The following TNNI3K variants were observed in gnomAD, a reference collection of about 807,000 sequenced individuals.
TNNI3K encodes serine/threonine-protein kinase TNNI3K.
Under a neutral mutation model 114.5 loss-of-function variants are expected in TNNI3K, and 140 were observed. The observed-to-expected ratio is 1.22, with a 90% confidence interval of 1.07 to 1.41. The LOEUF (loss-of-function observed/expected upper bound fraction) is 1.41. Among genes scored for constraint, TNNI3K ranks in the 40% most tolerant of loss-of-function variants. The probability of loss-of-function intolerance (pLI) is 0.00; values close to 1 mark genes in which losing one functional copy is unlikely to be tolerated. For synonymous variants in TNNI3K, 347 were observed against 347.5 expected (o/e 1.00, Z 0.02); for missense variants, 1,125 against 1,007.6 (o/e 1.12, Z -1.58).
At chr1:74,491,882 C>T (rs912521271) in intron 22 of TNNI3K, among the ~76,000 whole-genome samples, 3 of 152,064 alleles carry the variant, frequency 2.0e-5, no homozygotes, top group Non-Finnish European at 4.4e-5. Flanking sequence ...TTTAACAGGC[C>T]AGCTCTCAGC....
At chr1:74,424,940 A>G (rs1395990469) in intron 17 of TNNI3K, among the ~76,000 whole-genome samples, 1 of 152,132 alleles carries the variant, frequency 6.6e-6, no homozygotes, top group Non-Finnish European at 1.5e-5. Flanking sequence ...GAAAAAAAGT[A>G]GTAAGAAGAG....
At chr1:74,493,668 A>C (rs1348613973) in intron 23 of TNNI3K, among the ~76,000 whole-genome samples, 2 of 152,182 alleles carry the variant, frequency 1.3e-5, no homozygotes, top group African/African-American at 4.8e-5. Flanking sequence ...TTGACTCTGA[A>C]CTACAGATTG....
At chr1:74,365,309 A>T (rs1935127) in intron 11 of TNNI3K, among the ~76,000 whole-genome samples, 90,577 of 151,910 alleles carry the variant, frequency 0.6, 30,616 homozygotes, top group East Asian at 0.82. Context: ...CCTACACGAA[A>T]ATCTCATCTC....
chr1:74,348,932 T>C (rs1214340429), intron 9 of TNNI3K, among the ~76,000 whole-genome samples: 1 of 152,216 alleles, frequency 6.6e-6, no homozygotes, highest in Non-Finnish European at 1.5e-5. Flanking sequence ...TACAATCATG[T>C]CATCTGCAAA....
intron 21 of TNNI3K, among the ~76,000 whole-genome samples, chr1:74,488,767 C>A (rs183569581): frequency 6.6e-6 from 1 of 152,152 alleles, no homozygotes; most frequent in African/African-American, 2.4e-5. Flanking sequence ...CTGAGATGAT[C>A]TTTTCAAAAG....
At chr1:74,464,423 A>T (rs963123123) in intron 21 of TNNI3K, among the ~76,000 whole-genome samples, 2 of 152,182 alleles carry the variant, frequency 1.3e-5, no homozygotes, top group Non-Finnish European at 2.9e-5. Flanking sequence ...TAAAGACCTA[A>T]TGGTTCTTAT....
intron 17 of TNNI3K, among the ~76,000 whole-genome samples, chr1:74,394,122 C>T (rs1275068805): frequency 6.6e-6 from 1 of 152,156 alleles, no homozygotes; most frequent in East Asian, 1.9e-4. Flanking sequence ...TGCAAATCAA[C>T]AATATTATCT....
chr1:74,455,279 A>T (rs1193871193), intron 20 of TNNI3K, among the ~76,000 whole-genome samples: 3 of 152,220 alleles, frequency 2.0e-5, no homozygotes, highest in Admixed American at 2.0e-4. Flanking sequence ...ACTACTAGTT[A>T]AATAGGTAAA....
chr1:74,467,388 G>T (rs1194311125), intron 21 of TNNI3K, among the ~76,000 whole-genome samples: 2 of 151,914 alleles, frequency 1.3e-5, no homozygotes, highest in Non-Finnish European at 2.9e-5. Flanking sequence ...TTGAAGCACA[G>T]TATTTTCTCC....
chr1:74,526,311 C>T (rs1249192430), intron 23 of TNNI3K, among the ~76,000 whole-genome samples: 2 of 152,202 alleles, frequency 1.3e-5, no homozygotes, highest in African/African-American at 4.8e-5. Context: ...ATATGTATTG[C>T]TCTGTGGGCT....
At chr1:74,285,988 TGAA>T (rs1657309006) in intron 5 of TNNI3K, among the ~76,000 whole-genome samples, 1 of 152,146 alleles carries the variant, frequency 6.6e-6, no homozygotes, top group Admixed American at 6.5e-5. Context: ...AATATCAACT[TGAA>T]GAACTATCCA....
chr1:74,422,129 A>G (rs900643829), intron 17 of TNNI3K, among the ~76,000 whole-genome samples: 1 of 151,914 alleles, frequency 6.6e-6, no homozygotes, highest in African/African-American at 2.4e-5. Flanking sequence ...ACCTTCTACA[A>G]GAGTTAATGT....
At chr1:74,353,474 A>G in intron 10 of TNNI3K, 114 bp downstream of exon 10, 1 of 1,111,638 alleles carries the variant, frequency 9.0e-7, no homozygotes, top group Non-Finnish European at 1.3e-6. Context: ...GGGAAAGGGT[A>G]TTTTATCAAC....
At chr1:74,538,280 C>T (rs188751866) in intron 23 of TNNI3K, among the ~76,000 whole-genome samples, 4 of 152,128 alleles carry the variant, frequency 2.6e-5, no homozygotes, top group African/African-American at 9.6e-5. Flanking sequence ...CTTGGTATAT[C>T]GGCTTGGGGA....
intron 17 of TNNI3K, among the ~76,000 whole-genome samples, chr1:74,399,869 A>C (rs980124945): frequency 1.3e-5 from 2 of 152,212 alleles, no homozygotes; most frequent in African/African-American, 4.8e-5. Context: ...TTCACCCCTC[A>C]GACCATAAAA....
chr1:74,401,987 T>G, intron 17 of TNNI3K: 1 of 344,882 alleles, frequency 2.9e-6, no homozygotes, highest in Non-Finnish European at 5.7e-6. Context: ...AAAGTTAAAT[T>G]TTATATATAT....
chr1:74,315,813 C>A (rs962012600), intron 5 of TNNI3K, among the ~76,000 whole-genome samples: 1 of 151,994 alleles, frequency 6.6e-6, no homozygotes, highest in South Asian at 2.1e-4. Context: ...TAGAAGATTT[C>A]TTTTGTGTTC....
chr1:74,520,626 G>A (rs537309456), intron 23 of TNNI3K, among the ~76,000 whole-genome samples: 1 of 151,906 alleles, frequency 6.6e-6, no homozygotes, highest in African/African-American at 2.4e-5. Flanking sequence ...AAAAAAAAAT[G>A]GGAAAAATCA....
At chr1:74,427,976 G>T (rs186075120) in intron 17 of TNNI3K, among the ~76,000 whole-genome samples, 2 of 151,848 alleles carry the variant, frequency 1.3e-5, no homozygotes, top group Non-Finnish European at 2.9e-5. Flanking sequence ...CAATAAATGG[G>T]TTTAACCACA....
Sources: allele counts gnomAD v4.1 joint callset (sites outside exome capture counted in the v4.1 genomes callset), GRCh38; gene constraint gnomAD v4.1.1; transcripts MANE v1.5; gene names NCBI Gene and HGNC (gene_info 2026-07-23, HGNC 2026-07-21).